The following MAPRE2 variants were observed in gnomAD, a reference collection of about 807,000 sequenced individuals.
The protein encoded by MAPRE2 is microtubule-associated protein RP/EB family member 2.
MAPRE2 carries 13 observed loss-of-function variants against 43.2 expected under a neutral mutation model. The ratio of observed to expected loss-of-function variants is 0.30; its 90% confidence interval spans 0.20 to 0.48. The LOEUF (loss-of-function observed/expected upper bound fraction) is 0.48. Ranked by LOEUF, MAPRE2 falls within the 20% of genes least tolerant of loss-of-function variation. The probability of loss-of-function intolerance (pLI) is 0.99; values close to 1 mark genes in which losing one functional copy is unlikely to be tolerated. For synonymous variants in MAPRE2, 135 were observed against 148.8 expected, an observed-to-expected ratio of 0.91 and a Z score of 0.68; for missense variants, 161 against 400.2, an observed-to-expected ratio of 0.40 and a Z score of 5.10.
intron 2 of MAPRE2, among the ~76,000 whole-genome samples, chr18:35,023,495 A>G (rs273345): frequency 0.82 from 123,341 of 150,818 alleles, 50,608 homozygotes; most frequent in East Asian, 0.98. Context: ...CTGGGCAACA[A>G]AGCGAGACTC....
At position 35,099,822 on chromosome 18, in the gene MAPRE2, T is replaced by C. The variant is rs78869737; in HGVS notation, c.397-2124T>C. 8.9e-3 allele frequency among the ~76,000 whole-genome samples: 1,352 copies of C among 152,298 alleles called. 14 individuals are homozygous for C. Among genetic ancestry groups the C allele is most frequent in the African/African-American group, 0.031 (1,292 of 41,552 alleles). On this transcript the variant is annotated intron_variant, in intron 3 of 6. Transcript: ENST00000300249. ...TTATTTTGCTTTGTACTTGGTTTAG[T>C]TTCTATTTTAGCTGCATAAAAAACA... is the stretch of plus-strand genomic sequence containing the variant.
chr18:35,050,880 G>A (rs990728842), intron 1 of MAPRE2, among the ~76,000 whole-genome samples: 8 of 152,106 alleles, frequency 5.3e-5, no homozygotes, highest in Non-Finnish European at 1.0e-4. Flanking sequence ...GAGTCTGGGT[G>A]AAAACTGAGA....
At chr18:35,092,159 C>T (rs1466385134) in intron 2 of MAPRE2, among the ~76,000 whole-genome samples, 1 of 152,190 alleles carries the variant, frequency 6.6e-6, no homozygotes, top group Non-Finnish European at 1.5e-5. Context: ...AGAAACTGGC[C>T]CCATGACCCA....
At chr18:35,020,629 T>C (rs1446648909) in intron 2 of MAPRE2, among the ~76,000 whole-genome samples, 1 of 152,054 alleles carries the variant, frequency 6.6e-6, no homozygotes, top group African/African-American at 2.4e-5. Context: ...AAGCAACCTA[T>C]TTCTGTAAAG....
chr18:35,100,154 G>T (rs1908609235), intron 3 of MAPRE2, among the ~76,000 whole-genome samples: 1 of 152,084 alleles, frequency 6.6e-6, no homozygotes, highest in Non-Finnish European at 1.5e-5. Flanking sequence ...CTCTAGCTTT[G>T]TAACTATCTT....
At chr18:35,124,130 A>AAAAG in intron 4 of MAPRE2, among the ~76,000 whole-genome samples, 1 of 152,296 alleles carries the variant, frequency 6.6e-6, no homozygotes, top group Non-Finnish European at 1.5e-5. Context: ...ATTTATAAAG[A>AAAAG]AAAGAGGTTT....
rs1910709087 is a variant in MAPRE2, at chr18:35,142,665, G to A, written c.*2296G>A. The A allele has an allele frequency of 6.6e-6, 1 of 152,098 alleles. No homozygotes were observed. The highest frequency in any genetic ancestry group is 2.1e-4 in the South Asian group (1 of 4,816). 9.4% of individuals were successfully genotyped at this position (152,098 alleles called of 1,614,324 possible). ...GAAGAGCTATACATTCTTCTTTCTGGTCCCATCTTAAACGTCTTCTGTTGT... is the reference window on the plus strand; with the variant it reads ...GAAGAGCTATACATTCTTCTTTCTGATCCCATCTTAAACGTCTTCTGTTGT... On this transcript the variant is annotated 3_prime_UTR_variant, in exon 7 of 7. Transcript: ENST00000300249.
intron 2 of MAPRE2, among the ~76,000 whole-genome samples, chr18:35,010,249 T>G (rs2097033844): frequency 6.6e-6 from 1 of 151,954 alleles, no homozygotes. Flanking sequence ...AAATAAAAAT[T>G]AAAAACAATT....
chr18:35,091,760 C>T (rs568311124), intron 2 of MAPRE2, among the ~76,000 whole-genome samples: 23 of 152,170 alleles, frequency 1.5e-4, no homozygotes, highest in Non-Finnish European at 2.8e-4. Flanking sequence ...GGCATCACAT[C>T]GCCTGACTTC....
At chr18:35,075,694 C>T (rs1370873782) in intron 2 of MAPRE2, among the ~76,000 whole-genome samples, 4 of 151,182 alleles carry the variant, frequency 2.6e-5, no homozygotes, top group East Asian at 1.9e-4. Flanking sequence ...TTATTTGACT[C>T]ATGCTAATTT....
At chr18:35,095,960 A>T (rs1908396856) in intron 2 of MAPRE2, among the ~76,000 whole-genome samples, 1 of 152,142 alleles carries the variant, frequency 6.6e-6, no homozygotes, top group Admixed American at 6.6e-5. Flanking sequence ...CCAGATGCAG[A>T]GACTCTAGAG....
At chr18:35,059,180 A>G (rs1455258257) in intron 1 of MAPRE2, among the ~76,000 whole-genome samples, 1 of 152,234 alleles carries the variant, frequency 6.6e-6, no homozygotes, top group Non-Finnish European at 1.5e-5. Flanking sequence ...GTTGAGACAC[A>G]TGTGCCCACA....
chr18:35,106,393 G>A (rs1480887096), intron 4 of MAPRE2, among the ~76,000 whole-genome samples: 4 of 151,954 alleles, frequency 2.6e-5, no homozygotes, highest in Non-Finnish European at 1.5e-5. Flanking sequence ...GCAGTAAGTG[G>A]CAGCTCCCAA....
chr18:35,020,042 T>C lies in MAPRE2; in HGVS notation c.-8+14489T>C, dbSNP rs182817031. ...TCAGGTTGCCTGGCTACTTGTACTG[T>C]GGATGACACAGATTTTCAGCACCCC... On this transcript the variant is annotated intron_variant, in intron 2 of 7. Coordinates refer to the MAPRE2 transcript ENST00000413393. Among the ~76,000 whole-genome samples, 14 of 152,222 alleles carry C rather than the reference T, an allele frequency of 9.2e-5. No individual in the cohort carries two copies. In the East Asian group the frequency reaches 2.5e-3, roughly 27 times the overall value.
At chr18:35,123,014 G>A (rs986986758) in intron 4 of MAPRE2, among the ~76,000 whole-genome samples, 1 of 152,336 alleles carries the variant, frequency 6.6e-6, no homozygotes, top group Non-Finnish European at 1.5e-5. Flanking sequence ...AACTGCAGCA[G>A]CTGTGCCCTC....
intron 2 of MAPRE2, among the ~76,000 whole-genome samples, chr18:35,071,398 A>G (rs1349526484): frequency 1.3e-5 from 2 of 152,210 alleles, no homozygotes; most frequent in African/African-American, 4.8e-5. Context: ...AAACAAAACA[A>G]AAAATATGCT....
chr18:35,038,003 C>T (rs994944761), upstream of MAPRE2, among the ~76,000 whole-genome samples: 1 of 152,206 alleles, frequency 6.6e-6, no homozygotes, highest in African/African-American at 2.4e-5. Flanking sequence ...CATCCATGGG[C>T]ACTCTGCTGG....
Position 35,063,251 on chromosome 18 carries a change from A to G in MAPRE2, c.123-6944A>G, listed in dbSNP as rs146133966. Reference sequence around the variant, plus strand: ...CCTGAGTAGCTGGGACTACAGGCGCACACCACCACGCCTGGCTAATTTTTT... The same window carrying G: ...CCTGAGTAGCTGGGACTACAGGCGCGCACCACCACGCCTGGCTAATTTTTT... On this transcript the variant is annotated intron_variant, in intron 1 of 6. Transcript: ENST00000300249. Among the ~76,000 whole-genome samples, 17 of 151,738 alleles carry G rather than the reference A, an allele frequency of 1.1e-4. No homozygotes were observed. In the East Asian group the frequency reaches 2.5e-3, roughly 23 times the overall value.
chr18:35,027,568 G>A (rs928603699), intron 2 of MAPRE2, among the ~76,000 whole-genome samples: 1 of 152,072 alleles, frequency 6.6e-6, no homozygotes, highest in African/African-American at 2.4e-5. Context: ...GAGACCATGG[G>A]TGACAACCAC....
Sources: allele counts gnomAD v4.1 joint callset (sites outside exome capture counted in the v4.1 genomes callset), GRCh38; gene constraint gnomAD v4.1.1; transcripts MANE v1.5; gene names NCBI Gene and HGNC (gene_info 2026-07-23, HGNC 2026-07-21).